RGP1: variants seen among roughly 807,000 people sequenced by gnomAD.
RGP1 encodes RGP1 partner of RAB6A GEF complex.
Under a neutral mutation model 44.5 loss-of-function variants are expected in RGP1, and 28 were observed. The ratio of observed to expected loss-of-function variants is 0.63; its 90% CI spans 0.47 to 0.86. RGP1 has a LOEUF of 0.86. Ranked by LOEUF, RGP1 falls within the 40% of genes least tolerant of loss-of-function variation. The pLI, the probability that RGP1 is intolerant of heterozygous loss-of-function variation, is 0.00. For missense variants in RGP1, 417 were observed against 490.7 expected (o/e 0.85, Z 1.42); for synonymous variants, 212 against 196.7 (o/e 1.08, Z -0.65).
chr9:35,761,892 A>G (rs1827420639), downstream of RGP1, among the ~76,000 whole-genome samples: 1 of 151,514 alleles, frequency 6.6e-6, no homozygotes, highest in Non-Finnish European at 1.5e-5. Context: ...GGTGGCTCAC[A>G]CCTGTAATCC....
chr9:35,775,009 C>T, the RGP1 span, among the ~76,000 whole-genome samples: 3 of 152,136 alleles, frequency 2.0e-5, no homozygotes, highest in African/African-American at 4.8e-5. Context: ...AATTCATTTT[C>T]TCTCCTGTGT....
At position 35,749,635 on chromosome 9, in the gene RGP1, C is replaced by A. The variant is rs1378416280; in HGVS notation, c.-19-102C>A. ...TATCCAGGAGCTCCCTCGGGCACCA[C>A]GGTGCTGACCACCCCTGTCCTCAGC... On this transcript the variant is annotated intron_variant, in intron 1 of 8. Coordinates refer to ENST00000378078, the MANE Select transcript of RGP1 (RefSeq NM_001080496.3). The surrounding 1 kb of genome is among the most constrained non-coding windows in gnomAD (Gnocchi z 4.4). The A allele has an allele frequency of 2.7e-6, 2 of 739,756 alleles. No individual in the cohort carries two copies. Among genetic ancestry groups the A allele is most frequent in the Non-Finnish European group, 4.8e-6 (2 of 415,004 alleles). 45.8% of individuals were successfully genotyped at this position (739,756 alleles called of 1,614,324 possible).
Position 35,749,884 on chromosome 9 carries a change from G to A in RGP1, c.116+13G>A, listed in dbSNP as rs1372623084. The A allele has an allele frequency of 6.4e-7, 1 of 1,570,054 alleles. No individual in the cohort carries two copies. The highest frequency in any genetic ancestry group is 1.7e-5 in the Admixed American group (1 of 58,766). On this transcript the variant is annotated intron_variant, in intron 2 of 8. Coordinates refer to ENST00000378078, the MANE Select transcript of RGP1 (RefSeq NM_001080496.3). This position sits in a 1 kb window ranked among gnomAD's most constrained non-coding sequence, Gnocchi z 4.4. ...CTTCTGCATCCAGGTGGGGATGCTG[G>A]CACTGAAGGTGGTGGCCCTTCTGGG...
At chr9:35,767,283 GTTTTTTTTTT>G in the RGP1 span, among the ~76,000 whole-genome samples, 1 of 108,432 alleles carries the variant, frequency 9.2e-6, no homozygotes, top group Non-Finnish European at 1.8e-5. Context: ...AAGCAAATTG[GTTTTTTTTTT>G]TTTTTTTTTT....
the RGP1 span, among the ~76,000 whole-genome samples, chr9:35,774,410 G>A: frequency 6.6e-6 from 1 of 152,222 alleles, no homozygotes; most frequent in Admixed American, 6.5e-5. Flanking sequence ...TTGGAGGAAA[G>A]GATGTTGCTG....
At chr9:35,788,421 CT>C in the RGP1 span, among the ~76,000 whole-genome samples, 1 of 152,146 alleles carries the variant, frequency 6.6e-6, no homozygotes, top group Non-Finnish European at 1.5e-5. Context: ...CAAAAATTAG[CT>C]GGGCATGGTG....
At position 35,751,703 on chromosome 9, in the gene RGP1, G is replaced by A. The variant is rs1827268038; in HGVS notation, c.711G>A (p.Glu237=). Residue 237 remains glutamate (E), a synonymous_variant, in exon 7 of 9, where the codon GAG becomes GAA. Transcript: ENST00000378078. ...TCAAATCTGTGTACAGACTTGGCGAGGACGTGGTGGGGACCTTAAACTTAG... is the reference window on the plus strand; with the variant it reads ...TCAAATCTGTGTACAGACTTGGCGAAGACGTGGTGGGGACCTTAAACTTAG... The part of the protein sequence containing the change: ...GIFKSVYRLG[E]DVVGTLNLGE... The A allele has an allele frequency of 6.2e-7, 1 of 1,613,976 alleles. No homozygotes were observed. The highest frequency in any genetic ancestry group is 8.5e-7 in the Non-Finnish European group (1 of 1,179,886).
the RGP1 span, among the ~76,000 whole-genome samples, chr9:35,769,485 C>T: frequency 6.6e-6 from 1 of 152,088 alleles, no homozygotes; most frequent in Non-Finnish European, 1.5e-5. Context: ...CACATGAATA[C>T]AATGAAGTTT....
chr9:35,782,639 T>A, the RGP1 span, among the ~76,000 whole-genome samples: 1 of 151,724 alleles, frequency 6.6e-6, no homozygotes, highest in Non-Finnish European at 1.5e-5. Flanking sequence ...AGAGACGGGG[T>A]TTCTCCATGT....
chr9:35,773,783 T>A, the RGP1 span, among the ~76,000 whole-genome samples: 2 of 152,078 alleles, frequency 1.3e-5, no homozygotes, highest in Non-Finnish European at 2.9e-5. Flanking sequence ...ATTACAGGCG[T>A]GAGCCACCGA....
At chr9:35,767,607 A>G in the RGP1 span, among the ~76,000 whole-genome samples, 1 of 152,214 alleles carries the variant, frequency 6.6e-6, no homozygotes, top group Non-Finnish European at 1.5e-5. Flanking sequence ...AGATACAAAT[A>G]AAGAGGGCAG....
At chr9:35,760,094 T>C (rs990538971), downstream of RGP1, among the ~76,000 whole-genome samples, 1 of 152,138 alleles carries the variant, frequency 6.6e-6, no homozygotes, top group African/African-American at 2.4e-5. Context: ...CTTTCCTTTA[T>C]TGTCAGTTCT....
In RGP1 at chr9:35,755,963, T is replaced by C. The variant is rs1272817461; in HGVS notation, c.*3089T>C. 1.3e-5 allele frequency: 2 copies of C among 152,260 alleles called. No individual in the cohort carries two copies. The highest frequency in any genetic ancestry group is 2.9e-5 in the Non-Finnish European group (2 of 68,060). 9.4% of individuals were successfully genotyped at this position (152,260 alleles called of 1,614,324 possible). ...CAGATCTGCACCCTCGCCTCTACCCTAGGACAAGATGTCCTTTTCTCATCA... is the reference window on the plus strand; with the variant it reads ...CAGATCTGCACCCTCGCCTCTACCCCAGGACAAGATGTCCTTTTCTCATCA... On this transcript the variant is annotated 3_prime_UTR_variant, in exon 9 of 9. Coordinates refer to ENST00000378078, the MANE Select transcript of RGP1 (RefSeq NM_001080496.3).
chr9:35,775,268 T>A, the RGP1 span, among the ~76,000 whole-genome samples: 1 of 152,074 alleles, frequency 6.6e-6, no homozygotes, highest in Non-Finnish European at 1.5e-5. Flanking sequence ...TGGCTGTGAA[T>A]ATGGTGGAAG....
At position 35,752,918 on chromosome 9, in the gene RGP1, T is replaced by G; in HGVS notation, c.*44T>G. The stretch of plus-strand genomic sequence containing the variant: ...CTAGTTCCTTCCGGATACTGAGAAC[T>G]CAGCACCTGGACTCTAATGGGACCC... On this transcript the variant is annotated 3_prime_UTR_variant, in exon 9 of 9. Transcript: ENST00000378078. The G allele has an allele frequency of 6.3e-7, 1 of 1,590,892 alleles. No homozygotes were observed. Among genetic ancestry groups the G allele is most frequent in the Middle Eastern group, 1.8e-4 (1 of 5,502 alleles).
chr9:35,752,662 T>C lies in RGP1; in HGVS notation c.964T>C (p.Trp322Arg). 6.2e-7 allele frequency: 1 copy of C among 1,610,542 alleles called. No individual in the cohort carries two copies. The highest frequency in any genetic ancestry group is 8.5e-7 in the Non-Finnish European group (1 of 1,178,146). The change falls in exon 9 of 9, where the codon TGG (tryptophan) becomes CGG (arginine). Residue 322 changes from tryptophan to arginine, a missense_variant. Trp to Arg is a moderately radical substitution (Grantham distance 101). Coordinates refer to ENST00000378078, the MANE Select transcript of RGP1 (RefSeq NM_001080496.3). ...TTTTTCTTCCATAGTGTCCTTGAAG[T>C]GGAGATTGCATTTTGAATTTGTAAC... is the stretch of plus-strand genomic sequence containing the variant. ...GFCTAIVSLK[W>R]RLHFEFVTSR... is the part of the protein sequence containing the mutation.
chr9:35,756,160 A>T lies in RGP1; in HGVS notation c.*3286A>T, dbSNP rs969789771. 6.6e-6 allele frequency: 1 copy of T among 152,264 alleles called. No homozygotes were observed. Among genetic ancestry groups the T allele is most frequent in the East Asian group, 1.9e-4 (1 of 5,174 alleles). The allele number at this position is 152,264 out of a possible 1,614,324, so 9.4% of individuals were successfully genotyped here. A position where few individuals can be genotyped will look rare whatever the true frequency, so the allele number is the denominator to read the frequency against. On this transcript the variant is annotated 3_prime_UTR_variant, in exon 9 of 9. Transcript: ENST00000378078. ...AATTGGATTTCTTTCATTTTTCCACACTTCAAAGACCCATGTTCTAGGTAT... is the reference window on the plus strand; with the variant it reads ...AATTGGATTTCTTTCATTTTTCCACTCTTCAAAGACCCATGTTCTAGGTAT...
At position 35,753,227 on chromosome 9, in the gene RGP1, C is replaced by G; in HGVS notation, c.*353C>G. 1 of 1,614,164 alleles carries G rather than the reference C, an allele frequency of 6.2e-7. No individual in the cohort carries two copies. Among genetic ancestry groups the G allele is most frequent in the Non-Finnish European group, 8.5e-7 (1 of 1,180,034 alleles). ...TTGCACCAAGGAGAACTGGCAGGTT[C>G]CTGCCTCCTGACGTACCTCACACCC... is the stretch of plus-strand genomic sequence containing the variant. On this transcript the variant is annotated 3_prime_UTR_variant, in exon 9 of 9. Coordinates refer to ENST00000378078, the MANE Select transcript of RGP1 (RefSeq NM_001080496.3). This position sits in a 1 kb window ranked among gnomAD's most constrained non-coding sequence, Gnocchi z 4.2.
chr9:35,754,049 T>G lies in RGP1; in HGVS notation c.*1175T>G. 4 of 1,613,524 alleles carry G rather than the reference T, an allele frequency of 2.5e-6. No individual in the cohort carries two copies. Among genetic ancestry groups the G allele is most frequent in the Non-Finnish European group, 3.4e-6 (4 of 1,179,788 alleles). The stretch of plus-strand genomic sequence containing the variant: ...TGTAGACTCCTGGGTGCTGGAGGAG[T>G]AGAGACATCACCAAGCAGATGATCC... On this transcript the variant is annotated 3_prime_UTR_variant, in exon 9 of 9. Coordinates refer to ENST00000378078, the MANE Select transcript of RGP1 (RefSeq NM_001080496.3).
Sources: allele counts gnomAD v4.1 joint callset (sites outside exome capture counted in the v4.1 genomes callset), GRCh38; gene constraint gnomAD v4.1.1; non-coding constraint Gnocchi (gnomAD v3.1); transcripts MANE v1.5; gene names NCBI Gene and HGNC (gene_info 2026-07-23, HGNC 2026-07-21).